SNX13: variants seen among roughly 807,000 people sequenced by gnomAD.
SNX13 encodes sorting nexin-13.
A neutral mutation model predicts 133.6 loss-of-function variants in SNX13; 45 were observed. The ratio of observed to expected loss-of-function variants is 0.34; its 90% confidence interval spans 0.27 to 0.43. SNX13 has a LOEUF of 0.43. Ranked by LOEUF, SNX13 falls within the 20% of genes least tolerant of loss-of-function variation. The probability of loss-of-function intolerance (pLI) is 1.00; values close to 1 mark genes in which losing one functional copy is unlikely to be tolerated. For synonymous variants in SNX13, 414 were observed against 373.9 expected, an observed-to-expected ratio of 1.11 and a Z score of -1.24; for missense variants, 1,032 against 1,145.1, an observed-to-expected ratio of 0.90 and a Z score of 1.43.
intron 8 of SNX13, among the ~76,000 whole-genome samples, chr7:17,868,789 T>C (rs995789036): frequency 5.8e-4 from 88 of 152,050 alleles, no homozygotes; most frequent in African/African-American, 2.0e-3. Context: ...AGACAAAATA[T>C]AAGACTAACA....
rs904989743 is a variant in SNX13 at position 17,793,639 on chromosome 7, A to G, written c.*406T>C. On this transcript the variant is annotated 3_prime_UTR_variant, in exon 26 of 26. Transcript: ENST00000428135. ...CCAAACAAACTCCTCCAAGTCGTAC[A>G]TTGCACAGTCTCCAACTGTTAAACA... The G allele has an allele frequency of 1.3e-5, 2 of 157,202 alleles. No homozygotes were observed. Among genetic ancestry groups the G allele is most frequent in the African/African-American group, 4.8e-5 (2 of 41,502 alleles). The allele number at this position is 157,202 out of a possible 1,614,324, so 9.7% of individuals were successfully genotyped here.
intron 5 of SNX13, among the ~76,000 whole-genome samples, chr7:17,877,784 A>C (rs528304748): frequency 6.6e-6 from 1 of 152,164 alleles, no homozygotes; most frequent in South Asian, 2.1e-4. Context: ...CAATACAGAA[A>C]TATGTTGAGG....
intron 13 of SNX13, among the ~76,000 whole-genome samples, chr7:17,837,768 T>A (rs552613516): frequency 6.6e-6 from 1 of 152,010 alleles, no homozygotes; most frequent in Admixed American, 6.6e-5. Context: ...CAATTCCAAA[T>A]AAATTACTTT....
At chr7:17,858,784 AAAG>A (rs1382029273) in intron 9 of SNX13, among the ~76,000 whole-genome samples, 11 of 152,132 alleles carry the variant, frequency 7.2e-5, no homozygotes. Flanking sequence ...GAGCAACAGA[AAAG>A]AAGAGGCCAG....
At chr7:17,795,664 A>G (rs927520287) in intron 25 of SNX13, 2 of 151,798 alleles carry the variant, frequency 1.3e-5, no homozygotes, top group African/African-American at 4.8e-5. Flanking sequence ...AGTAAGCTCC[A>G]AGAAGGCAAA....
chr7:17,850,999 G>A (rs1459601151), intron 9 of SNX13, 35 bp from the exon 10 acceptor site: 2 of 1,568,676 alleles, frequency 1.3e-6, no homozygotes, highest in Non-Finnish European at 1.7e-6. Context: ...GGTGGGAGAG[G>A]AACTCACTTA....
At chr7:17,840,021 A>T in intron 12 of SNX13, 21 bp from the exon 13 acceptor site, 1 of 1,595,044 alleles carries the variant, frequency 6.3e-7, no homozygotes. Flanking sequence ...AAAATCCATA[A>T]TAACATAAAT....
At chr7:17,855,278 T>G (rs1255189354) in intron 9 of SNX13, among the ~76,000 whole-genome samples, 3 of 152,204 alleles carry the variant, frequency 2.0e-5, no homozygotes, top group Non-Finnish European at 4.4e-5. Context: ...AAGTACAAGG[T>G]GAAGCAGCAA....
At chr7:17,848,824 A>C (rs768612321) in intron 11 of SNX13, among the ~76,000 whole-genome samples, 34 of 152,190 alleles carry the variant, frequency 2.2e-4, no homozygotes, top group Non-Finnish European at 4.1e-4. Context: ...AGTAAACAAG[A>C]CACCCCTGTT....
rs1022312469 is a variant in SNX13 at position 17,794,032 on chromosome 7, A to G, written c.*13T>C. Reference sequence around the variant, plus strand: ...CCTGGACAAAATGAACACCAGCTTCATAGAGTGGAGTGTCACCTTTTCTGC... The same window carrying G: ...CCTGGACAAAATGAACACCAGCTTCGTAGAGTGGAGTGTCACCTTTTCTGC... On this transcript the variant is annotated 3_prime_UTR_variant, in exon 26 of 26. Transcript: ENST00000428135. 6.2e-7 allele frequency: 1 copy of G among 1,609,560 alleles called. No homozygotes were observed. The highest frequency in any genetic ancestry group is 8.5e-7 in the Non-Finnish European group (1 of 1,177,242).
At position 17,797,070 on chromosome 7, in the gene SNX13, T is replaced by G. The variant is rs114833547; in HGVS notation, c.2514-131A>C. ...AGAAAAGTTTCTGAATAATAACATA[T>G]AGCTATAATGATATTCAAGAAAGAT... On this transcript the variant is annotated intron_variant, in intron 24 of 25. Transcript: ENST00000428135. The G allele has an allele frequency of 3.1e-3, 2,142 of 687,754 alleles. 39 individuals are homozygous for G. The African/African-American group carries it at 0.035, about 11-fold the overall frequency. 42.6% of individuals were successfully genotyped at this position (687,754 alleles called of 1,614,324 possible). A position where few individuals can be genotyped will look rare whatever the true frequency, so the allele number is the denominator to read the frequency against.
intron 24 of SNX13, 108 bp from the exon 25 acceptor site, chr7:17,797,047 A>G: frequency 1.2e-6 from 1 of 853,274 alleles, no homozygotes; most frequent in Non-Finnish European, 1.8e-6. Context: ...GAACAGAAAG[A>G]AAAGTTTCTG....
intron 1 of SNX13, among the ~76,000 whole-genome samples, chr7:17,902,419 A>G (rs1030968887): frequency 6.6e-6 from 1 of 152,302 alleles, no homozygotes; most frequent in East Asian, 1.9e-4. Context: ...TAAACTGTTC[A>G]TTGAAACATC....
intron 20 of SNX13, among the ~76,000 whole-genome samples, chr7:17,808,416 A>G (rs1279172342): frequency 6.6e-6 from 1 of 152,206 alleles, no homozygotes; most frequent in African/African-American, 2.4e-5. Flanking sequence ...AAAAGAATGA[A>G]AAGAAACGAA....
chr7:17,821,363 G>T (rs1787260218), intron 18 of SNX13, 146 bp downstream of exon 18: 4 of 704,264 alleles, frequency 5.7e-6, no homozygotes, highest in Non-Finnish European at 9.3e-6. Context: ...TAAATGCTCA[G>T]ATTAATTCTA....
At chr7:17,798,966 G>C (rs762974039) in intron 23 of SNX13, 43 bp downstream of exon 23, 1 of 1,577,350 alleles carries the variant, frequency 6.3e-7, no homozygotes, top group Admixed American at 1.9e-5. Flanking sequence ...GAGTTTAATA[G>C]CTAAGTAAGA....
intron 1 of SNX13, chr7:17,907,297 C>A (rs1311454421): frequency 6.6e-6 from 1 of 152,118 alleles, no homozygotes; most frequent in Non-Finnish European, 1.5e-5. Flanking sequence ...TCTCCTTTTC[C>A]ACTATAATTT....
At chr7:17,815,665 T>C (rs73079358) in intron 19 of SNX13, among the ~76,000 whole-genome samples, 3,156 of 152,308 alleles carry the variant, frequency 0.021, 62 homozygotes, top group Non-Finnish European at 0.029. Flanking sequence ...AAGTGTTATA[T>C]GGAAGCCCCA....
chr7:17,933,038 T>A (rs1801580418), intron 1 of SNX13, among the ~76,000 whole-genome samples: 1 of 152,148 alleles, frequency 6.6e-6, no homozygotes, highest in African/African-American at 2.4e-5. Context: ...ATACTCTTGT[T>A]TGGTGAAGAA....
Sources: gnomAD v4.1 joint callset for allele counts (sites outside exome capture counted in the v4.1 genomes callset) on GRCh38, gnomAD v4.1.1 for gene constraint, MANE v1.5 for transcripts, NCBI Gene and HGNC (gene_info 2026-07-23, HGNC 2026-07-21) for gene names.